The following CLSTN1 variants were observed in gnomAD, a reference collection of about 807,000 sequenced individuals.
CLSTN1 encodes calsyntenin 1.
Under a neutral mutation model 108.3 loss-of-function variants are expected in CLSTN1, and 28 were observed. The ratio of observed to expected loss-of-function variants is 0.26; its 90% CI spans 0.19 to 0.35. The LOEUF is 0.35. Among genes scored for constraint, CLSTN1 ranks in the 10% least tolerant of loss-of-function variants. The pLI, the probability that CLSTN1 is intolerant of heterozygous loss-of-function variation, is 1.00. For missense variants in CLSTN1, 1,157 were observed against 1,302.6 expected, an observed-to-expected ratio of 0.89 and a Z score of 1.72; for synonymous variants, 524 against 534.9, an observed-to-expected ratio of 0.98 and a Z score of 0.28.
intron 2 of CLSTN1, among the ~76,000 whole-genome samples, chr1:9,758,295 C>T (rs1651914463): frequency 6.9e-6 from 1 of 144,890 alleles, no homozygotes; most frequent in Admixed American, 6.9e-5. Flanking sequence ...GCCCAGCCCA[C>T]GTGCAGTTTT....
At chr1:9,738,950 T>G (rs948992121) in intron 10 of CLSTN1, among the ~76,000 whole-genome samples, 9 of 152,062 alleles carry the variant, frequency 5.9e-5, no homozygotes, top group Non-Finnish European at 4.4e-5. Context: ...CTGCGCACGG[T>G]CATCTTTCAT....
At chr1:9,762,083 T>G (rs1557703049) in intron 2 of CLSTN1, among the ~76,000 whole-genome samples, 1 of 152,162 alleles carries the variant, frequency 6.6e-6, no homozygotes, top group Non-Finnish European at 1.5e-5. Flanking sequence ...GAGGGGCACC[T>G]GTTCACTTGG....
intron 1 of CLSTN1, among the ~76,000 whole-genome samples, chr1:9,805,576 TGTTA>T (rs1367762958): frequency 6.6e-6 from 1 of 152,100 alleles, no homozygotes; most frequent in Non-Finnish European, 1.5e-5. Context: ...ACTAAAAATG[TGTTA>T]TTTAGGTTGG....
At chr1:9,748,729 T>A (rs1651404772) in intron 7 of CLSTN1, among the ~76,000 whole-genome samples, 2 of 152,126 alleles carry the variant, frequency 1.3e-5, no homozygotes, top group Non-Finnish European at 2.9e-5. Flanking sequence ...CCTCAGGTGA[T>A]CTGCCCACCT....
At chr1:9,732,081 AAAAC>A (rs1234752777) in intron 16 of CLSTN1, among the ~76,000 whole-genome samples, 185 bp from the exon 17 acceptor site, 7 of 152,236 alleles carry the variant, frequency 4.6e-5, no homozygotes, top group African/African-American at 1.4e-4. Context: ...TTAAAAAACA[AAAAC>A]AAAGAAAAAG....
chr1:9,745,185 C>T (rs1651193221), intron 7 of CLSTN1, among the ~76,000 whole-genome samples: 1 of 149,466 alleles, frequency 6.7e-6, no homozygotes, highest in Non-Finnish European at 1.5e-5. Context: ...GCCGAGATCG[C>T]ACCCCTGCAC....
Position 9,730,637 on chromosome 1 carries a change from G to A in CLSTN1, c.2817C>T (p.Gly939=), listed in dbSNP as rs749379761. ...EEEEEEESED[G]EEEDDITSAE... is the part of the protein sequence containing the mutation. The stretch of plus-strand genomic sequence containing the variant: ...CGCTGGTGATGTCATCCTCTTCTTC[G>A]CCGTCCTCGCTTTCCTCTTCCTCTT... The change falls in exon 19 of 19, where the codon GGC becomes GGT. Residue 939 remains glycine (G), a synonymous_variant. Coordinates refer to ENST00000377298, the MANE Select transcript of CLSTN1 (RefSeq NM_001009566.3). This position sits in a 1 kb window ranked among gnomAD's most constrained non-coding sequence, Gnocchi z 5.6. The A allele has an allele frequency of 5.0e-6, 8 of 1,610,114 alleles. No individual in the cohort carries two copies. In the South Asian group the frequency reaches 5.5e-5, roughly 11 times the overall value.
intron 1 of CLSTN1, among the ~76,000 whole-genome samples, chr1:9,812,172 C>G (rs1296589342): frequency 6.6e-6 from 1 of 152,174 alleles, no homozygotes; most frequent in East Asian, 1.9e-4. Flanking sequence ...ATCTGCTTAA[C>G]AGAAGGGCTT....
At chr1:9,759,486 G>A (rs971248444) in intron 2 of CLSTN1, among the ~76,000 whole-genome samples, 3 of 152,182 alleles carry the variant, frequency 2.0e-5, no homozygotes, top group Admixed American at 1.3e-4. Flanking sequence ...GTTTCACCGC[G>A]TTAGCCAGGA....
chr1:9,799,869 A>G (rs1654177427), intron 1 of CLSTN1, among the ~76,000 whole-genome samples: 1 of 151,870 alleles, frequency 6.6e-6, no homozygotes, highest in East Asian at 1.9e-4. Flanking sequence ...TGAACCCGGG[A>G]GGCGGAGGTT....
intron 7 of CLSTN1, 148 bp downstream of exon 7, chr1:9,749,313 A>C (rs1651435474): frequency 2.4e-6 from 2 of 829,236 alleles, no homozygotes; most frequent in Admixed American, 3.0e-5. Flanking sequence ...AAAACTAGCC[A>C]GCAAGGCAGC....
At chr1:9,818,202 G>T (rs997427334) in intron 1 of CLSTN1, among the ~76,000 whole-genome samples, 1 of 151,134 alleles carries the variant, frequency 6.6e-6, no homozygotes, top group Non-Finnish European at 1.5e-5. Flanking sequence ...TAGAGATGGG[G>T]TTTCACCATG....
At chr1:9,788,642 C>G (rs1180608301) in intron 1 of CLSTN1, among the ~76,000 whole-genome samples, 1 of 150,910 alleles carries the variant, frequency 6.6e-6, no homozygotes, top group Non-Finnish European at 1.5e-5. Context: ...CCGAGGCAGG[C>G]GGATCATGAG....
intron 16 of CLSTN1, among the ~76,000 whole-genome samples, chr1:9,732,794 C>G (rs540416796): frequency 1.3e-5 from 2 of 152,246 alleles, no homozygotes; most frequent in African/African-American, 4.8e-5. Flanking sequence ...CCTGCGTGAG[C>G]CCCTCTCAAC....
intron 1 of CLSTN1, among the ~76,000 whole-genome samples, chr1:9,822,932 G>T (rs956622146): frequency 2.0e-5 from 3 of 152,192 alleles, no homozygotes; most frequent in Non-Finnish European, 2.9e-5. Context: ...CAGAGACGGA[G>T]ATTTCTAACA....
At chr1:9,811,003 G>C (rs758157286) in intron 1 of CLSTN1, among the ~76,000 whole-genome samples, 7 of 152,194 alleles carry the variant, frequency 4.6e-5, no homozygotes, top group Middle Eastern at 3.4e-3. Context: ...ACTGCCATAT[G>C]CATTACTTTA....
At chr1:9,750,316 T>C (rs1651493163) in intron 5 of CLSTN1, 2 of 183,508 alleles carry the variant, frequency 1.1e-5, no homozygotes, top group South Asian at 2.2e-4. Flanking sequence ...CCCACCTGCT[T>C]AGAACAGAAG....
At chr1:9,779,920 T>C (rs1653163377) in intron 1 of CLSTN1, among the ~76,000 whole-genome samples, 1 of 152,118 alleles carries the variant, frequency 6.6e-6, no homozygotes, top group Non-Finnish European at 1.5e-5. Context: ...TGGTGCAATC[T>C]GGGCTCACTG....
chr1:9,813,659 A>G (rs1196439263), intron 1 of CLSTN1, among the ~76,000 whole-genome samples: 1 of 152,244 alleles, frequency 6.6e-6, no homozygotes, highest in East Asian at 1.9e-4. Flanking sequence ...CAGTGAGACT[A>G]GAGTCTGCAT....
Sources: allele counts gnomAD v4.1 joint callset (sites outside exome capture counted in the v4.1 genomes callset), GRCh38; gene constraint gnomAD v4.1.1; non-coding constraint Gnocchi (gnomAD v3.1); transcripts MANE v1.5; gene names NCBI Gene and HGNC (gene_info 2026-07-23, HGNC 2026-07-21).